Variants in DCLK1 observed in about 807,000 individuals in gnomAD.
DCLK1 encodes the protein doublecortin like kinase 1.
A neutral mutation model predicts 86.2 loss-of-function variants in DCLK1; 16 were observed. That is an observed-to-expected ratio of 0.19 (90% confidence interval 0.13 to 0.28). The LOEUF is 0.28. DCLK1 is among the 10% of genes least tolerant of loss of function. The pLI is 1.00. For synonymous variants in DCLK1, 369 were observed against 370.5 expected, an observed-to-expected ratio of 1.00 and a Z score of 0.05; for missense variants, 590 against 940.2, an observed-to-expected ratio of 0.63 and a Z score of 4.87.
chr13:35,989,173 G>C (rs1424441266), intron 3 of DCLK1, among the ~76,000 whole-genome samples: 1 of 152,110 alleles, frequency 6.6e-6, no homozygotes, highest in Non-Finnish European at 1.5e-5. Context: ...TCTCCCCTTT[G>C]ACAGACTCCC....
chr13:35,877,547 G>T (rs988660584), intron 4 of DCLK1, among the ~76,000 whole-genome samples: 10 of 152,178 alleles, frequency 6.6e-5, no homozygotes, highest in Admixed American at 6.5e-5. Flanking sequence ...GTTGGCTAGG[G>T]AATACTCTTT....
intron 3 of DCLK1, among the ~76,000 whole-genome samples, chr13:36,039,170 A>G (rs1882613874): frequency 6.6e-6 from 1 of 152,240 alleles, no homozygotes; most frequent in Admixed American, 6.5e-5. Context: ...AGGAATGAGT[A>G]GGAAATGGAT....
In DCLK1 at chr13:35,771,183, G is replaced by GT. The variant is rs987087272; in HGVS notation, c.*3351dup. On this transcript the variant is annotated 3_prime_UTR_variant, in exon 17 of 17. Coordinates refer to ENST00000360631, the MANE Select transcript of DCLK1 (RefSeq NM_001330071.2). ...CTAAGCCAAATTTTCTTTTCTTTTT[G>GT]TTTTCAACTGAAATATGCCTCAAAG... 6.6e-6 allele frequency: 1 copy of GT among 152,078 alleles called. No individual in the cohort carries two copies. The highest frequency in any genetic ancestry group is 2.4e-5 in the African/African-American group (1 of 41,394). 9.4% of individuals were successfully genotyped at this position (152,078 alleles called of 1,614,324 possible). A position where few individuals can be genotyped will look rare whatever the true frequency, so the allele number is the denominator to read the frequency against.
rs143735218 is a variant in DCLK1, at chr13:35,910,142, C to A, written c.823+37216G>T. ...ATTTATCAAGGAGACAAAACAGGAC[C>A]CAGGATCACTACCTGCAACTCCCTT... On this transcript the variant is annotated intron_variant, in intron 4 of 16. Coordinates refer to ENST00000360631, the MANE Select transcript of DCLK1 (RefSeq NM_001330071.2). Among the ~76,000 whole-genome samples the A allele has an allele frequency of 5.9e-5, 9 of 152,262 alleles. No individual in the cohort carries two copies. In the East Asian group the frequency reaches 1.7e-3, roughly 29 times the overall value.
chr13:35,786,615 G>A (rs2086626926), intron 16 of DCLK1, among the ~76,000 whole-genome samples: 3 of 152,114 alleles, frequency 2.0e-5, no homozygotes, highest in African/African-American at 7.2e-5. Context: ...TTATAGAGAT[G>A]TGCATTCCTG....
intron 3 of DCLK1, among the ~76,000 whole-genome samples, chr13:36,045,103 G>C (rs142511050): frequency 2.7e-5 from 4 of 150,764 alleles, no homozygotes; most frequent in Non-Finnish European, 5.9e-5. Context: ...AAATTATACT[G>C]TGGAAATTTT....
chr13:35,931,845 G>C (rs1208562454), intron 4 of DCLK1, among the ~76,000 whole-genome samples: 1 of 152,168 alleles, frequency 6.6e-6, no homozygotes, highest in Non-Finnish European at 1.5e-5. Flanking sequence ...ACCCTGATAT[G>C]TACTGTGGGA....
intron 4 of DCLK1, among the ~76,000 whole-genome samples, chr13:35,913,782 C>A (rs903276654): frequency 1.3e-5 from 2 of 152,058 alleles, no homozygotes; most frequent in African/African-American, 4.8e-5. Flanking sequence ...GAAACTAAGG[C>A]TCATGCTTCT....
At chr13:35,848,540 A>G (rs1469020553) in intron 6 of DCLK1, 8 of 985,186 alleles carry the variant, frequency 8.1e-6, no homozygotes, top group Non-Finnish European at 9.6e-6. Flanking sequence ...AAAGTTGGCC[A>G]TGATATCTAT....
At chr13:36,075,776 G>A (rs1437760353) in intron 3 of DCLK1, among the ~76,000 whole-genome samples, 1 of 152,174 alleles carries the variant, frequency 6.6e-6, no homozygotes, top group Non-Finnish European at 1.5e-5. Context: ...CAGCACTTTG[G>A]GAGGCCGAGG....
At chr13:35,813,784 A>T (rs2087205263) in intron 11 of DCLK1, among the ~76,000 whole-genome samples, 1 of 147,778 alleles carries the variant, frequency 6.8e-6, no homozygotes, top group South Asian at 2.1e-4. Flanking sequence ...TTTTGTGAAC[A>T]TAAAGAGGTT....
At chr13:36,096,817 C>T (rs180885338) in intron 3 of DCLK1, among the ~76,000 whole-genome samples, 135 of 152,126 alleles carry the variant, frequency 8.9e-4, no homozygotes, top group African/African-American at 3.2e-3. Flanking sequence ...AAGAATAGAC[C>T]CCAAGGAAGC....
In DCLK1 at chr13:35,888,580, C is replaced by T. The variant is rs187280185; in HGVS notation, c.824-17240G>A. 3.7e-3 allele frequency among the ~76,000 whole-genome samples: 561 copies of T among 152,234 alleles called. 3 individuals are homozygous for T. The highest frequency in any genetic ancestry group is 0.013 in the African/African-American group (537 of 41,522). On this transcript the variant is annotated intron_variant, in intron 4 of 16. Coordinates refer to ENST00000360631, the MANE Select transcript of DCLK1 (RefSeq NM_001330071.2). The stretch of plus-strand genomic sequence containing the variant: ...AAGGCTAATAAATATTGTAGTTATA[C>T]GAAGGCAGCCATCTAATATGACAGC...
intron 16 of DCLK1, among the ~76,000 whole-genome samples, chr13:35,784,319 C>G: frequency 6.6e-6 from 1 of 152,218 alleles, no homozygotes; most frequent in East Asian, 1.9e-4. Context: ...AATAAGTAAG[C>G]TAAATTTTAA....
At chr13:35,845,464 A>T (rs1440417977) in intron 6 of DCLK1, among the ~76,000 whole-genome samples, 1 of 152,214 alleles carries the variant, frequency 6.6e-6, no homozygotes, top group East Asian at 1.9e-4. Flanking sequence ...ACACACACAG[A>T]CATGCTCACA....
At chr13:35,874,582 G>A (rs1056994712) in intron 4 of DCLK1, among the ~76,000 whole-genome samples, 1 of 152,076 alleles carries the variant, frequency 6.6e-6, no homozygotes, top group Non-Finnish European at 1.5e-5. Flanking sequence ...GTTCTGGCCT[G>A]CCCAGTGACC....
intron 3 of DCLK1, among the ~76,000 whole-genome samples, chr13:36,079,588 C>T (rs753642552): frequency 2.5e-4 from 38 of 151,990 alleles, no homozygotes; most frequent in South Asian, 4.1e-4. Flanking sequence ...GCCAAGTTCG[C>T]GCCATTGCAC....
rs149658282 is a variant in DCLK1 at position 35,934,238 on chromosome 13, C to G, written c.823+13120G>C. ...CACATTTTCCTGTCTTCTGAGCTCT[C>G]CAAACTGTTCCAACCTCTGCCTGTT... On this transcript the variant is annotated intron_variant, in intron 4 of 16. Coordinates refer to ENST00000360631, the MANE Select transcript of DCLK1 (RefSeq NM_001330071.2). 1.5e-4 allele frequency among the ~76,000 whole-genome samples: 23 copies of G among 152,340 alleles called. No individual in the cohort carries two copies. The East Asian group carries it at 4.4e-3, about 29-fold the overall frequency.
intron 16 of DCLK1, among the ~76,000 whole-genome samples, 159 bp downstream of exon 16, chr13:35,793,207 A>G (rs2086739877): frequency 6.6e-6 from 1 of 152,200 alleles, no homozygotes; most frequent in Admixed American, 6.5e-5. Context: ...AACACATAAT[A>G]TATATAAGTC....
Sources: gnomAD v4.1 joint callset for allele counts (sites outside exome capture counted in the v4.1 genomes callset) on GRCh38, gnomAD v4.1.1 for gene constraint, MANE v1.5 for transcripts, NCBI Gene and HGNC (gene_info 2026-07-23, HGNC 2026-07-21) for gene names.